Variants in ST8SIA1 observed in about 807,000 individuals in gnomAD.
ST8SIA1 encodes alpha-N-acetylneuraminide alpha-2,8-sialyltransferase.
A neutral mutation model predicts 35.9 loss-of-function variants in ST8SIA1; 16 were observed. The ratio of observed to expected loss-of-function variants is 0.45; its 90% CI spans 0.30 to 0.68. The LOEUF (loss-of-function observed/expected upper bound fraction) is 0.68. Among genes scored for constraint, ST8SIA1 ranks in the 30% least tolerant of loss-of-function variants. The pLI is 0.09. For synonymous variants in ST8SIA1, 170 were observed against 169.6 expected (o/e 1.00, Z -0.02); for missense variants, 383 against 453.6 (o/e 0.84, Z 1.41).
At chr12:22,249,380 G>C (rs930235743) in intron 3 of ST8SIA1, among the ~76,000 whole-genome samples, 2 of 151,720 alleles carry the variant, frequency 1.3e-5, no homozygotes, top group Admixed American at 6.6e-5. Context: ...CACCACACCC[G>C]GCTAATTTTT....
intron 4 of ST8SIA1, among the ~76,000 whole-genome samples, chr12:22,235,452 T>C (rs1379134116): frequency 2.0e-5 from 3 of 152,196 alleles, no homozygotes; most frequent in Non-Finnish European, 4.4e-5. Flanking sequence ...CTAATAAATG[T>C]TACTGTCATC....
intron 4 of ST8SIA1, among the ~76,000 whole-genome samples, chr12:22,232,961 G>A (rs1865435986): frequency 6.6e-6 from 1 of 152,156 alleles, no homozygotes; most frequent in African/African-American, 2.4e-5. Context: ...TTCCCGGTGG[G>A]TCAAATAAGA....
intron 1 of ST8SIA1, among the ~76,000 whole-genome samples, chr12:22,290,069 C>T (rs1336340824): frequency 2.0e-5 from 3 of 152,122 alleles, no homozygotes; most frequent in Non-Finnish European, 4.4e-5. Flanking sequence ...AAAACAAATA[C>T]GCCATAGAAA....
At chr12:22,273,541 T>C (rs1006421638) in intron 2 of ST8SIA1, among the ~76,000 whole-genome samples, 2 of 152,182 alleles carry the variant, frequency 1.3e-5, no homozygotes, top group Admixed American at 1.3e-4. Context: ...TACTTCTTCC[T>C]GGTCATGAGA....
At position 22,325,172 on chromosome 12, in the gene ST8SIA1, T is replaced by C. The variant is rs762457544; in HGVS notation, c.236+8825A>G. 2.3e-4 allele frequency: 85 copies of C among 376,590 alleles called. 1 individual carries two copies. In the Middle Eastern group the frequency reaches 2.8e-3, roughly 13 times the overall value. 23.3% of individuals were successfully genotyped at this position (376,590 alleles called of 1,614,324 possible). A position where few individuals can be genotyped will look rare whatever the true frequency, so the allele number is the denominator to read the frequency against. ...AAAATCAGACAAATAATAAACACTATAAATTGTTTAAATGAACATGGGGGA... is the reference window on the plus strand; with the variant it reads ...AAAATCAGACAAATAATAAACACTACAAATTGTTTAAATGAACATGGGGGA... On this transcript the variant is annotated intron_variant, in intron 1 of 4. Coordinates refer to ENST00000396037, the MANE Select transcript of ST8SIA1 (RefSeq NM_003034.4).
chr12:22,318,931 C>G (rs1442763698), intron 1 of ST8SIA1, among the ~76,000 whole-genome samples: 1 of 152,148 alleles, frequency 6.6e-6, no homozygotes, highest in Non-Finnish European at 1.5e-5. Flanking sequence ...GTAACCCTAA[C>G]CAAGGTCCTT....
intron 4 of ST8SIA1, among the ~76,000 whole-genome samples, chr12:22,221,273 A>T (rs1323603465): frequency 1.3e-5 from 2 of 152,342 alleles, no homozygotes; most frequent in East Asian, 3.9e-4. Context: ...GAAAAAAGAG[A>T]ACAGAAGAAT....
chr12:22,280,220 C>T (rs1350644288), intron 2 of ST8SIA1, among the ~76,000 whole-genome samples: 3 of 152,094 alleles, frequency 2.0e-5, no homozygotes, highest in Non-Finnish European at 2.9e-5. Flanking sequence ...CAAACAAATG[C>T]TCAAAACTAA....
intron 2 of ST8SIA1, among the ~76,000 whole-genome samples, chr12:22,265,966 ACCTCTCAACAC>A (rs914548097): frequency 6.6e-6 from 1 of 151,810 alleles, no homozygotes; most frequent in African/African-American, 2.4e-5. Flanking sequence ...CCCACCCAGG[ACCTCTCAACAC>A]CCTAAACTTC....
chr12:22,326,895 GATAC>G (rs1866689016), intron 1 of ST8SIA1, among the ~76,000 whole-genome samples: 3 of 152,100 alleles, frequency 2.0e-5, no homozygotes, highest in Non-Finnish European at 4.4e-5. Context: ...GTGCATTAAT[GATAC>G]ATAGTATCAT....
intron 4 of ST8SIA1, among the ~76,000 whole-genome samples, chr12:22,203,444 T>C (rs1865071818): frequency 6.6e-6 from 1 of 152,170 alleles, no homozygotes; most frequent in African/African-American, 2.4e-5. Flanking sequence ...CAGGATTGTA[T>C]GTAGCAATCA....
intron 4 of ST8SIA1, among the ~76,000 whole-genome samples, chr12:22,228,256 C>T (rs1374969623): frequency 1.3e-5 from 2 of 152,202 alleles, no homozygotes; most frequent in Non-Finnish European, 2.9e-5. Flanking sequence ...GATTGAGTCA[C>T]AGTCTTTTCC....
chr12:22,333,976 G>A (rs367774817), intron 1 of ST8SIA1, 21 bp downstream of exon 1: 3 of 1,608,342 alleles, frequency 1.9e-6, no homozygotes, highest in Non-Finnish European at 2.6e-6. Flanking sequence ...TAGAGGGGAG[G>A]AGCCGCGAGG....
At chr12:22,218,512 C>G (rs542618100) in intron 4 of ST8SIA1, among the ~76,000 whole-genome samples, 10 of 126,356 alleles carry the variant, frequency 7.9e-5, no homozygotes, top group East Asian at 2.4e-4. Context: ...CAGCTACTCG[C>G]GAAGCTGAGA....
intron 2 of ST8SIA1, among the ~76,000 whole-genome samples, chr12:22,284,824 C>A (rs189331006): frequency 6.6e-6 from 1 of 152,130 alleles, no homozygotes; most frequent in Non-Finnish European, 1.5e-5. Flanking sequence ...TTGCTGCAAC[C>A]GATAGATAAT....
chr12:22,296,897 C>T (rs1866252227), intron 1 of ST8SIA1, among the ~76,000 whole-genome samples: 1 of 152,194 alleles, frequency 6.6e-6, no homozygotes, highest in South Asian at 2.1e-4. Flanking sequence ...CTATACTCCA[C>T]TGGGCTTTTA....
At position 22,277,323 on chromosome 12, in the gene ST8SIA1, G is replaced by T. The variant is rs74068537; in HGVS notation, c.381+9826C>A. Among the ~76,000 whole-genome samples the T allele has an allele frequency of 8.1e-3, 1,232 of 151,670 alleles. 21 individuals carry two copies. Among genetic ancestry groups the T allele is most frequent in the African/African-American group, 0.028 (1,163 of 41,304 alleles). On this transcript the variant is annotated intron_variant, in intron 2 of 4. Transcript: ENST00000396037. ...ACATTTTATAACAACAAAATTGGCA[G>T]AGGGTGGAGGATGTCACAGAAAGGC...
At chr12:22,278,821 G>C (rs1865999900) in intron 2 of ST8SIA1, among the ~76,000 whole-genome samples, 1 of 152,108 alleles carries the variant, frequency 6.6e-6, no homozygotes, top group African/African-American at 2.4e-5. Flanking sequence ...ATAATTTTCA[G>C]AGTATAAAAT....
chr12:22,270,334 T>C (rs932059939), intron 2 of ST8SIA1, among the ~76,000 whole-genome samples: 1 of 152,186 alleles, frequency 6.6e-6, no homozygotes, highest in African/African-American at 2.4e-5. Flanking sequence ...AGCACATAGT[T>C]AGTCTTCAAC....
Sources: allele counts gnomAD v4.1 joint callset (sites outside exome capture counted in the v4.1 genomes callset), GRCh38; gene constraint gnomAD v4.1.1; transcripts MANE v1.5; gene names NCBI Gene and HGNC (gene_info 2026-07-23, HGNC 2026-07-21).